The following DLG2 variants were observed in gnomAD, a reference collection of about 807,000 sequenced individuals.
DLG2 encodes the protein disks large homolog 2.
Under a neutral mutation model 132.5 loss-of-function variants are expected in DLG2, and 45 were observed. The ratio of observed to expected loss-of-function variants is 0.34; its 90% CI spans 0.27 to 0.44. The LOEUF (loss-of-function observed/expected upper bound fraction) is 0.44. Among genes scored for constraint, DLG2 ranks in the 20% least tolerant of loss-of-function variants. The probability of loss-of-function intolerance (pLI) is 1.00; values close to 1 mark genes in which losing one functional copy is unlikely to be tolerated. For synonymous variants in DLG2, 424 were observed against 419.6 expected (o/e 1.01, Z -0.13); for missense variants, 1,045 against 1,196.9 (o/e 0.87, Z 1.87).
At chr11:83,745,525 CT>C (rs576428709) in intron 18 of DLG2, among the ~76,000 whole-genome samples, 231 of 152,230 alleles carry the variant, frequency 1.5e-3, no homozygotes, top group African/African-American at 5.4e-3. Context: ...TCTTAAAAGC[CT>C]GTAGCTGAGC....
At chr11:85,001,383 G>C (rs1204203007) in intron 6 of DLG2, among the ~76,000 whole-genome samples, 1 of 152,154 alleles carries the variant, frequency 6.6e-6, no homozygotes, top group African/African-American at 2.4e-5. Flanking sequence ...TTATCTTAGA[G>C]AGGTAACCCA....
intron 7 of DLG2, among the ~76,000 whole-genome samples, chr11:84,356,184 T>C (rs1209808289): frequency 6.6e-6 from 1 of 152,142 alleles, no homozygotes; most frequent in East Asian, 1.9e-4. Flanking sequence ...GTCCACTTTA[T>C]CCATTTCTAT....
chr11:85,341,765 G>C (rs1024466133), intron 3 of DLG2, among the ~76,000 whole-genome samples: 3 of 152,102 alleles, frequency 2.0e-5, no homozygotes, highest in African/African-American at 7.2e-5. Flanking sequence ...AAAAATCATA[G>C]AGTGTACTTA....
chr11:83,941,900 A>T lies in DLG2; in HGVS notation c.1341-11417T>A, dbSNP rs766046248. Among the ~76,000 whole-genome samples the T allele has an allele frequency of 1.2e-3, 177 of 152,114 alleles. 2 individuals carry two copies. Among genetic ancestry groups the T allele is most frequent in the Admixed American group, 2.3e-3 (35 of 15,280 alleles). On this transcript the variant is annotated intron_variant, in intron 14 of 27. Transcript: ENST00000376104. The stretch of plus-strand genomic sequence containing the variant: ...TTTTAAATTTCACATTGGATATTAG[A>T]CGTTTTTCTGTGTCAGTACACATGG...
At chr11:84,690,762 A>C (rs761403198) in intron 6 of DLG2, among the ~76,000 whole-genome samples, 1 of 151,884 alleles carries the variant, frequency 6.6e-6, no homozygotes, top group Admixed American at 6.6e-5. Flanking sequence ...GAGAGTTTAC[A>C]TGATTTACTC....
chr11:84,994,910 A>G (rs1013492085), intron 6 of DLG2, among the ~76,000 whole-genome samples: 5 of 152,204 alleles, frequency 3.3e-5, no homozygotes, highest in African/African-American at 9.6e-5. Flanking sequence ...AAAATTCTTA[A>G]GGAACTTAAT....
chr11:84,980,995 G>A (rs571596918), intron 6 of DLG2, among the ~76,000 whole-genome samples: 20 of 152,190 alleles, frequency 1.3e-4, no homozygotes, highest in Admixed American at 5.2e-4. Flanking sequence ...CTATCACAGC[G>A]TTCACCACAC....
chr11:85,227,143 T>G (rs1385404132), intron 4 of DLG2, among the ~76,000 whole-genome samples: 4 of 152,006 alleles, frequency 2.6e-5, no homozygotes, highest in African/African-American at 7.2e-5. Context: ...ATAGCATCTA[T>G]GAAAGGAAGA....
intron 15 of DLG2, among the ~76,000 whole-genome samples, chr11:83,891,154 G>T (rs61901778): frequency 2.0e-5 from 3 of 152,168 alleles, no homozygotes; most frequent in African/African-American, 7.2e-5. Context: ...TTCATATGAA[G>T]CCATGGATAT....
intron 6 of DLG2, among the ~76,000 whole-genome samples, chr11:85,095,787 A>T (rs1363554986): frequency 1.3e-5 from 2 of 152,224 alleles, no homozygotes; most frequent in African/African-American, 4.8e-5. Context: ...GCTAGGAGTA[A>T]TCTCTAATAC....
chr11:84,601,259 A>G lies in DLG2; in HGVS notation c.358-66528T>C, dbSNP rs947908471. ...CACACACACACACGCACTCATGCAC[A>G]TACAGAGAATATTGCTCTTCATTAT... On this transcript the variant is annotated intron_variant, in intron 6 of 27. Transcript: ENST00000376104. 4.6e-5 allele frequency among the ~76,000 whole-genome samples: 7 copies of G among 152,152 alleles called. No individual in the cohort carries two copies. The East Asian group carries it at 1.3e-3, about 29-fold the overall frequency.
intron 6 of DLG2, among the ~76,000 whole-genome samples, chr11:84,852,677 G>A (rs1262529111): frequency 6.6e-6 from 1 of 150,584 alleles, no homozygotes; most frequent in Non-Finnish European, 1.5e-5. Context: ...AATATAACCT[G>A]GTTCATTGTA....
At chr11:84,575,332 C>T (rs902613345) in intron 6 of DLG2, among the ~76,000 whole-genome samples, 1 of 151,998 alleles carries the variant, frequency 6.6e-6, no homozygotes, top group Non-Finnish European at 1.5e-5. Context: ...CTCCCCCACA[C>T]CCCCCATGGA....
intron 3 of DLG2, among the ~76,000 whole-genome samples, chr11:85,386,077 T>C (rs574229467): frequency 7.9e-5 from 12 of 152,338 alleles, no homozygotes; most frequent in African/African-American, 2.6e-4. Flanking sequence ...TGAAATTTCA[T>C]TTTTAAAATT....
intron 7 of DLG2, among the ~76,000 whole-genome samples, chr11:84,284,653 C>A (rs1318492985): frequency 6.6e-6 from 1 of 152,198 alleles, no homozygotes; most frequent in Non-Finnish European, 1.5e-5. Context: ...CAGGACTAAC[C>A]TAGATAGAAC....
chr11:84,478,460 G>A lies in DLG2; in HGVS notation c.519+56110C>T, dbSNP rs151089316. Among the ~76,000 whole-genome samples, 1,069 of 152,132 alleles carry A rather than the reference G, an allele frequency of 7.0e-3. 14 individuals carry two copies. Among genetic ancestry groups the A allele is most frequent in the African/African-American group, 0.023 (958 of 41,512 alleles). ...TCGGCAGCATATAATTCTAATGCAT[G>A]ATTATACTATAATTAAACCAATCCC... On this transcript the variant is annotated intron_variant, in intron 7 of 27. Coordinates refer to ENST00000376104, the MANE Select transcript of DLG2 (RefSeq NM_001142699.3).
At chr11:84,676,736 T>A (rs566620651) in intron 6 of DLG2, among the ~76,000 whole-genome samples, 5 of 152,024 alleles carry the variant, frequency 3.3e-5, no homozygotes, top group Admixed American at 6.6e-5. Context: ...CTAGTAGAGG[T>A]GACAGCCATC....
At chr11:85,593,805 T>C (rs1301584063) in intron 3 of DLG2, among the ~76,000 whole-genome samples, 5 of 152,172 alleles carry the variant, frequency 3.3e-5, no homozygotes, top group African/African-American at 1.2e-4. Flanking sequence ...TGTAGGGTTT[T>C]TTTTACTCAA....
intron 3 of DLG2, among the ~76,000 whole-genome samples, chr11:85,510,834 A>T (rs1023144604): frequency 1.3e-5 from 2 of 152,204 alleles, no homozygotes; most frequent in Non-Finnish European, 2.9e-5. Flanking sequence ...GGGATCTAGA[A>T]CTAGAAATAC....
Sources: allele counts gnomAD v4.1 joint callset (sites outside exome capture counted in the v4.1 genomes callset), GRCh38; gene constraint gnomAD v4.1.1; transcripts MANE v1.5; gene names NCBI Gene and HGNC (gene_info 2026-07-23, HGNC 2026-07-21).